The following HIVEP1 variants were observed in gnomAD, a reference collection of about 807,000 sequenced individuals.
HIVEP1 encodes HIVEP zinc finger 1.
In HIVEP1, 36 loss-of-function variants were observed where a neutral mutation model predicts 180.0. The ratio of observed to expected loss-of-function variants is 0.20; its 90% confidence interval spans 0.15 to 0.26. The LOEUF is 0.26. HIVEP1 is among the 10% of genes least tolerant of loss of function. HIVEP1 has a pLI of 1.00. For synonymous variants in HIVEP1, 1,239 were observed against 1,239.0 expected, an observed-to-expected ratio of 1.00 and a Z score of 0.00; for missense variants, 3,143 against 3,268.7, an observed-to-expected ratio of 0.96 and a Z score of 0.94.
rs567170966 is a variant in HIVEP1, at chr6:12,130,976, A to G, written c.6385+34A>G. 242 of 1,516,092 alleles carry G rather than the reference A, an allele frequency of 1.6e-4. 2 individuals are homozygous for G. The South Asian group carries it at 2.8e-3, about 18-fold the overall frequency. 93.9% of individuals were successfully genotyped at this position (1,516,092 alleles called of 1,614,324 possible). A position where few individuals can be genotyped will look rare whatever the true frequency, so the allele number is the denominator to read the frequency against. ...TGCACATTGCTTCAAGGTCCTTTTA[A>G]TATGTATTTAGGTGGGAAAGCTAAA... is the stretch of plus-strand genomic sequence containing the variant. On this transcript the variant is annotated intron_variant, in intron 6 of 8. Coordinates refer to ENST00000379388, the MANE Select transcript of HIVEP1 (RefSeq NM_002114.4).
chr6:12,061,683 A>G (rs1239631247), intron 2 of HIVEP1, among the ~76,000 whole-genome samples: 2 of 152,104 alleles, frequency 1.3e-5, no homozygotes, highest in African/African-American at 4.8e-5. Flanking sequence ...AGTTTATAGT[A>G]TGATCATTTT....
chr6:12,168,203 C>CGTGTATATATACAT (rs1554161527), downstream of HIVEP1, among the ~76,000 whole-genome samples: 4 of 99,070 alleles, frequency 4.0e-5, no homozygotes, highest in Non-Finnish European at 7.4e-5. Context: ...TGTATATATA[C>CGTGTATATATACAT]ATATATACAT....
intron 3 of HIVEP1, among the ~76,000 whole-genome samples, chr6:12,112,010 TTTA>T (rs1774927027): frequency 6.6e-6 from 1 of 152,226 alleles, no homozygotes; most frequent in Admixed American, 6.5e-5. Context: ...TTTTTATAAT[TTTA>T]TTATTGTCAT....
rs1414219116 is a variant in HIVEP1 at position 12,098,259 on chromosome 6, AAGAT to A, written c.94+9024_94+9027del. 4.6e-5 allele frequency among the ~76,000 whole-genome samples: 7 copies of A among 152,210 alleles called. No individual in the cohort carries two copies. In the East Asian group the frequency reaches 7.7e-4, roughly 17 times the overall value. On this transcript the variant is annotated intron_variant, in intron 3 of 8. Transcript: ENST00000379388. Reference sequence around the variant, plus strand: ...TCCACTGGTACATTTTTTGACAAGAAAGATAAAGTATTTAAGGTAATGGCATATG... The same window carrying A: ...TCCACTGGTACATTTTTTGACAAGAAAAAGTATTTAAGGTAATGGCATATG...
intron 2 of HIVEP1, among the ~76,000 whole-genome samples, chr6:12,023,075 G>A (rs990127390): frequency 3.3e-5 from 5 of 152,190 alleles, no homozygotes; most frequent in South Asian, 2.1e-4. Context: ...CACAGATCAC[G>A]CGGGATTGAA....
intron 4 of HIVEP1, among the ~76,000 whole-genome samples, chr6:12,126,725 CT>C (rs1310197199): frequency 2.0e-5 from 3 of 152,080 alleles, no homozygotes; most frequent in African/African-American, 7.2e-5. Context: ...ATGAACAATT[CT>C]AAAGAAGGAA....
chr6:12,176,511 C>T, the HIVEP1 span, among the ~76,000 whole-genome samples: 1 of 152,014 alleles, frequency 6.6e-6, no homozygotes, highest in Admixed American at 6.5e-5. Flanking sequence ...GGATTACAGG[C>T]GTGAGCCACC....
At position 12,124,958 on chromosome 6, in the gene HIVEP1, A is replaced by C; in HGVS notation, c.5163A>C (p.Glu1721Asp). 1 of 1,614,114 alleles carries C rather than the reference A, an allele frequency of 6.2e-7. No homozygotes were observed. Among genetic ancestry groups the C allele is most frequent in the Non-Finnish European group, 8.5e-7 (1 of 1,180,018 alleles). Residue 1721 changes from glutamate to aspartate, a missense_variant, in exon 4 of 9, where the codon GAA (glutamate) becomes GAC (aspartate). Physicochemically the swap from Glu to Asp is conservative, Grantham distance 45 (BLOSUM62 2). Transcript: ENST00000379388. ...TGAGCCAAAATTCTTCTCTATCAGA[A>C]TCCTTGCCCATAACTCAGAAAATAT... ...SEMSQNSSLS[E>D]SLPITQKISV...
chr6:12,137,818 G>A (rs912053141), intron 7 of HIVEP1, among the ~76,000 whole-genome samples: 3 of 151,968 alleles, frequency 2.0e-5, no homozygotes, highest in African/African-American at 7.3e-5. Context: ...AAATGATCTT[G>A]TTTTATTGTG....
the HIVEP1 span, among the ~76,000 whole-genome samples, chr6:12,171,793 A>G: frequency 6.6e-6 from 1 of 152,242 alleles, no homozygotes; most frequent in Non-Finnish European, 1.5e-5. Context: ...TTTGCATAAT[A>G]ATCAGACATA....
In HIVEP1 at chr6:12,125,437, C is replaced by T; in HGVS notation, c.5642C>T (p.Thr1881Ile). 1 of 1,614,088 alleles carries T rather than the reference C, an allele frequency of 6.2e-7. No homozygotes were observed. Among genetic ancestry groups the T allele is most frequent in the Non-Finnish European group, 8.5e-7 (1 of 1,179,980 alleles). Reference protein sequence around the residue: ...VRSSPAPSENTHISPLKCTDN... With the variant: ...VRSSPAPSENIHISPLKCTDN... ...AGTTCACCTGCTCCTTCAGAAAATACTCATATTTCTCCTTTGAAATGTACA... is the reference window on the plus strand; with the variant it reads ...AGTTCACCTGCTCCTTCAGAAAATATTCATATTTCTCCTTTGAAATGTACA... Residue 1881 changes from threonine (T) to isoleucine (I), a missense_variant, in exon 4 of 9, where the codon ACT becomes ATT. By Grantham distance (89) the Thr-to-Ile change is moderately conservative. Transcript: ENST00000379388.
rs1011236845 is a variant in HIVEP1, at chr6:12,015,580, C to T, written c.-49C>T. The T allele has an allele frequency of 6.5e-7, 1 of 1,543,178 alleles. No individual in the cohort carries two copies. The highest frequency in any genetic ancestry group is 1.4e-5 in the African/African-American group (1 of 72,932). On this transcript the variant is annotated 5_prime_UTR_variant, in exon 2 of 9. Coordinates refer to ENST00000379388, the MANE Select transcript of HIVEP1 (RefSeq NM_002114.4). The stretch of plus-strand genomic sequence containing the variant: ...TATGGAGCTGCCTTTTGGTGGCTTG[C>T]TTTATCTGCAGTTTTTAAGAAGAAA...
the HIVEP1 span, among the ~76,000 whole-genome samples, chr6:12,202,130 A>G: frequency 1.3e-5 from 2 of 152,016 alleles, no homozygotes; most frequent in East Asian, 1.9e-4. Context: ...GCATTCTATC[A>G]TAGACTCTTT....
In HIVEP1 at chr6:12,029,103, T is replaced by C. The variant is rs536656907; in HGVS notation, c.40+13435T>C. 1.4e-3 allele frequency among the ~76,000 whole-genome samples: 212 copies of C among 152,280 alleles called. 2 individuals carry two copies. Among genetic ancestry groups the C allele is most frequent in the Non-Finnish European group, 7.3e-4 (50 of 68,052 alleles). ...TGTATTGATTCATTCACTCGTTTGA[T>C]GGACATTTGTATTGTTTTCAGTGTT... On this transcript the variant is annotated intron_variant, in intron 2 of 8. Transcript: ENST00000379388.
the HIVEP1 span, among the ~76,000 whole-genome samples, chr6:12,187,664 C>T: frequency 3.3e-5 from 5 of 150,964 alleles, no homozygotes; most frequent in African/African-American, 9.7e-5. Flanking sequence ...ATGATCCTGG[C>T]TCACTGCAAC....
chr6:12,075,704 C>G (rs556693190), intron 2 of HIVEP1, among the ~76,000 whole-genome samples: 1 of 152,120 alleles, frequency 6.6e-6, no homozygotes, highest in East Asian at 1.9e-4. Flanking sequence ...AGCTGGTAGC[C>G]AGTCTGGTTG....
intron 2 of HIVEP1, among the ~76,000 whole-genome samples, chr6:12,046,806 C>G (rs894118601): frequency 6.6e-6 from 1 of 150,624 alleles, no homozygotes; most frequent in Non-Finnish European, 1.5e-5. Flanking sequence ...TCTGGGTGGC[C>G]TCATCCAAAG....
chr6:12,123,989 A>G lies in HIVEP1; in HGVS notation c.4194A>G (p.Thr1398=), dbSNP rs969081284. The G allele has an allele frequency of 1.9e-6, 3 of 1,614,014 alleles. No individual in the cohort carries two copies. The highest frequency in any genetic ancestry group is 2.5e-6 in the Non-Finnish European group (3 of 1,179,994). Residue 1398 remains threonine, a synonymous_variant, in exon 4 of 9, where the codon ACA becomes ACG. Coordinates refer to ENST00000379388, the MANE Select transcript of HIVEP1 (RefSeq NM_002114.4). ...GTGGAAGCATCACCCCACCCCAGAC[A>G]ACACCACTTACTGAATTGCAGCCTC... is the stretch of plus-strand genomic sequence containing the variant. The part of the protein sequence containing the change: ...FDCGSITPPQ[T]TPLTELQPPS...
At chr6:12,066,174 C>T (rs1771568929) in intron 2 of HIVEP1, among the ~76,000 whole-genome samples, 1 of 152,034 alleles carries the variant, frequency 6.6e-6, no homozygotes, top group Non-Finnish European at 1.5e-5. Context: ...TGGATGGGAA[C>T]AGATAGCTTG....
Sources: gnomAD v4.1 joint callset for allele counts (sites outside exome capture counted in the v4.1 genomes callset) on GRCh38, gnomAD v4.1.1 for gene constraint, MANE v1.5 for transcripts, NCBI Gene and HGNC (gene_info 2026-07-23, HGNC 2026-07-21) for gene names.